Variants in RALYL observed in about 807,000 individuals in gnomAD.
RALYL encodes RALY RNA binding protein like, also known as RNA-binding Raly-like protein.
Under a neutral mutation model 35.1 loss-of-function variants are expected in RALYL, and 29 were observed. The ratio of observed to expected loss-of-function variants is 0.83; its 90% CI spans 0.61 to 1.13. The LOEUF (loss-of-function observed/expected upper bound fraction) is 1.13, where lower values mean the gene tolerates loss of function less well. Ranked by LOEUF, RALYL falls within the 50% of genes most tolerant of loss-of-function variation. RALYL has a pLI of 0.00. For missense variants in RALYL, 359 were observed against 360.4 expected (o/e 1.00, Z 0.03); for synonymous variants, 120 against 127.6 (o/e 0.94, Z 0.40).
chr8:84,865,987 C>T (rs1461138606), intron 6 of RALYL, among the ~76,000 whole-genome samples: 1 of 152,184 alleles, frequency 6.6e-6, no homozygotes, highest in Non-Finnish European at 1.5e-5. Flanking sequence ...GATTGAAATA[C>T]AGCGATAAAG....
intron 1 of RALYL, among the ~76,000 whole-genome samples, chr8:84,216,046 T>A (rs970089974): frequency 6.6e-6 from 1 of 152,084 alleles, no homozygotes; most frequent in African/African-American, 2.4e-5. Flanking sequence ...CAATGCCACA[T>A]TTTGCACTTA....
At chr8:84,310,763 T>TTAATGTATAGTA (rs1554614651) in intron 1 of RALYL, among the ~76,000 whole-genome samples, 1 of 150,890 alleles carries the variant, frequency 6.6e-6, no homozygotes. Flanking sequence ...AAAATGTATA[T>TTAATGTATAGTA]TAGGCCGGGT....
intron 1 of RALYL, among the ~76,000 whole-genome samples, chr8:84,434,872 ATGCTTGATCAAAC>A: frequency 6.6e-6 from 1 of 152,264 alleles, no homozygotes; most frequent in East Asian, 1.9e-4. Context: ...ACTGAATAAT[ATGCTTGATCAAAC>A]TGCTAATATT....
At chr8:84,288,413 C>T (rs1838095129) in intron 1 of RALYL, among the ~76,000 whole-genome samples, 1 of 152,162 alleles carries the variant, frequency 6.6e-6, no homozygotes, top group Non-Finnish European at 1.5e-5. Context: ...TCAGTTGTAT[C>T]TATTCAAACT....
At chr8:84,665,618 T>C (rs1240686986) in intron 2 of RALYL, 1 of 152,154 alleles carries the variant, frequency 6.6e-6, no homozygotes, top group African/African-American at 2.4e-5. Context: ...TATTCTCTAA[T>C]GGTTGTTTGT....
At chr8:84,800,917 C>T (rs1379648555) in intron 3 of RALYL, among the ~76,000 whole-genome samples, 3 of 152,268 alleles carry the variant, frequency 2.0e-5, no homozygotes, top group Non-Finnish European at 1.5e-5. Context: ...TCAGGATCCA[C>T]TCTGCCAGGA....
chr8:84,723,916 G>A (rs1389036067), intron 2 of RALYL, among the ~76,000 whole-genome samples: 1 of 151,034 alleles, frequency 6.6e-6, no homozygotes, highest in Non-Finnish European at 1.5e-5. Context: ...TATTTCTTTG[G>A]GTCACTCTTT....
chr8:84,569,341 A>G (rs895243684), intron 2 of RALYL, among the ~76,000 whole-genome samples: 5 of 152,066 alleles, frequency 3.3e-5, no homozygotes, highest in African/African-American at 1.2e-4. Flanking sequence ...CAGGTTTGTC[A>G]AAGATCAGGT....
chr8:84,837,812 A>G (rs756593753), intron 4 of RALYL, among the ~76,000 whole-genome samples: 8 of 152,312 alleles, frequency 5.3e-5, no homozygotes, highest in Middle Eastern at 6.8e-3. Context: ...AACAATATGA[A>G]ATATTTGTTT....
At chr8:84,820,289 A>G (rs1395320816) in intron 4 of RALYL, among the ~76,000 whole-genome samples, 1 of 152,248 alleles carries the variant, frequency 6.6e-6, no homozygotes, top group East Asian at 1.9e-4. Context: ...TGACCACTTC[A>G]TAACATGCAA....
chr8:84,765,766 G>T (rs2634054), intron 2 of RALYL, among the ~76,000 whole-genome samples: 40,562 of 151,098 alleles, frequency 0.27, 5,840 homozygotes, highest in African/African-American at 0.35. Context: ...CAGTAAAAGA[G>T]ACAGAATGAC....
At chr8:84,368,371 T>A (rs1586649279) in intron 1 of RALYL, among the ~76,000 whole-genome samples, 4 of 152,256 alleles carry the variant, frequency 2.6e-5, no homozygotes, top group Admixed American at 1.3e-4. Context: ...CAAAATTATA[T>A]CTAAAATGCT....
chr8:84,651,696 A>C (rs1046949398), intron 2 of RALYL, among the ~76,000 whole-genome samples: 2 of 152,082 alleles, frequency 1.3e-5, no homozygotes, highest in Admixed American at 6.6e-5. Flanking sequence ...ACAATTTCAT[A>C]AAACGTGTTA....
At chr8:84,321,264 T>C (rs1844752257) in intron 1 of RALYL, among the ~76,000 whole-genome samples, 1 of 152,242 alleles carries the variant, frequency 6.6e-6, no homozygotes, top group Non-Finnish European at 1.5e-5. Context: ...TTCCTGACTT[T>C]ACCATAACAA....
chr8:84,814,170 C>T (rs1336051996), intron 4 of RALYL, among the ~76,000 whole-genome samples: 2 of 152,092 alleles, frequency 1.3e-5, no homozygotes, highest in Middle Eastern at 3.2e-3. Flanking sequence ...ATAAGAATTG[C>T]TCATAAATGT....
chr8:84,782,987 G>C (rs1360133114), intron 3 of RALYL, among the ~76,000 whole-genome samples: 5 of 152,206 alleles, frequency 3.3e-5, no homozygotes, highest in East Asian at 1.9e-4. Flanking sequence ...TCCAACCTAT[G>C]ATAAATTTGT....
intron 1 of RALYL, among the ~76,000 whole-genome samples, chr8:84,332,539 A>T (rs1446468912): frequency 1.3e-5 from 2 of 152,200 alleles, no homozygotes; most frequent in African/African-American, 4.8e-5. Flanking sequence ...AGTCAATCTT[A>T]CAGAAAACGA....
chr8:84,502,437 T>TA (rs145273177), intron 1 of RALYL, among the ~76,000 whole-genome samples: 1,792 of 151,842 alleles, frequency 0.012, 39 homozygotes, highest in African/African-American at 0.041. Context: ...ATTCTGAGAC[T>TA]AAAAAACCAA....
At chr8:84,429,668 G>A (rs2046930748) in intron 1 of RALYL, among the ~76,000 whole-genome samples, 1 of 152,056 alleles carries the variant, frequency 6.6e-6, no homozygotes, top group Non-Finnish European at 1.5e-5. Flanking sequence ...TTAATAGAGT[G>A]ACTGTCACAC....
Sources: gnomAD v4.1 joint callset for allele counts (sites outside exome capture counted in the v4.1 genomes callset) on GRCh38, gnomAD v4.1.1 for gene constraint, MANE v1.5 for transcripts, NCBI Gene and HGNC (gene_info 2026-07-23, HGNC 2026-07-21) for gene names.